Variants in THSD7B observed in about 807,000 individuals in gnomAD.
The protein encoded by THSD7B is thrombospondin type-1 domain-containing protein 7B.
A neutral mutation model predicts 213.6 loss-of-function variants in THSD7B; 138 were observed. The observed-to-expected ratio is 0.65, with a 90% CI of 0.56 to 0.74. The LOEUF (loss-of-function observed/expected upper bound fraction) is 0.74, where lower values mean the gene tolerates loss of function less well. Among genes scored for constraint, THSD7B ranks in the 30% least tolerant of loss-of-function variants. The pLI is 0.00. For synonymous variants in THSD7B, 742 were observed against 687.0 expected, an observed-to-expected ratio of 1.08 and a Z score of -1.25; for missense variants, 1,931 against 1,991.5, an observed-to-expected ratio of 0.97 and a Z score of 0.58.
chr2:137,039,461 G>A (rs1686838853), intron 2 of THSD7B, among the ~76,000 whole-genome samples: 1 of 152,310 alleles, frequency 6.6e-6, no homozygotes, highest in South Asian at 2.1e-4. Flanking sequence ...TGAGGCCAAG[G>A]TTGTTGCTAA....
intron 1 of THSD7B, among the ~76,000 whole-genome samples, chr2:136,838,408 C>A (rs900203444): frequency 6.6e-6 from 1 of 152,132 alleles, no homozygotes; most frequent in Non-Finnish European, 1.5e-5. Context: ...AATATTTAAA[C>A]CACTCCAAAT....
chr2:137,187,553 C>T (rs550799671), intron 7 of THSD7B, among the ~76,000 whole-genome samples: 1 of 152,122 alleles, frequency 6.6e-6, no homozygotes, highest in Non-Finnish European at 1.5e-5. Flanking sequence ...ACAGTTGAGA[C>T]AGGTATCTTC....
intron 2 of THSD7B, among the ~76,000 whole-genome samples, chr2:136,919,064 T>C (rs115423359): frequency 5.3e-4 from 81 of 152,316 alleles, no homozygotes; most frequent in Non-Finnish European, 9.0e-4. Context: ...GTTCCTTAAA[T>C]TGGTGTTTCC....
intron 7 of THSD7B, among the ~76,000 whole-genome samples, chr2:137,201,921 G>C (rs1237842146): frequency 6.6e-6 from 1 of 152,040 alleles, no homozygotes; most frequent in African/African-American, 2.4e-5. Context: ...TTCTCCTCTG[G>C]GATGCTCCTG....
At chr2:136,797,674 T>G (rs1682095155) in intron 1 of THSD7B, among the ~76,000 whole-genome samples, 1 of 151,958 alleles carries the variant, frequency 6.6e-6, no homozygotes, top group Non-Finnish European at 1.5e-5. Context: ...TCTGAACCAC[T>G]GGGGGACAAG....
chr2:137,006,116 G>A (rs183082929), intron 2 of THSD7B, among the ~76,000 whole-genome samples: 44 of 152,260 alleles, frequency 2.9e-4, no homozygotes, highest in Middle Eastern at 3.4e-3. Context: ...GTATAGGGCC[G>A]GGAGCGGTGG....
Position 137,094,969 on chromosome 2 carries a change from C to G in THSD7B, c.1047C>G (p.Ser349=). ...AGTGGTCCTCCTGGAGCCCCTGCTC[C>G]AAGACATGCCGTTCAGGGAGTCTCT... ...TSQWSSWSPC[S]KTCRSGSLLP... is the part of the protein sequence containing the mutation. The change falls in exon 4 of 28, where the codon TCC becomes TCG. Residue 349 remains serine (S), a synonymous_variant. Coordinates refer to ENST00000409968, the MANE Select transcript of THSD7B (RefSeq NM_001316349.2). 1 of 1,613,826 alleles carries G rather than the reference C, an allele frequency of 6.2e-7. No homozygotes were observed.
At chr2:137,397,243 C>G (rs1291812363) in intron 12 of THSD7B, among the ~76,000 whole-genome samples, 1 of 152,032 alleles carries the variant, frequency 6.6e-6, no homozygotes. Context: ...TTAGTTGATG[C>G]AGTTTCTTCC....
chr2:137,324,046 G>A (rs1477476667), intron 12 of THSD7B, among the ~76,000 whole-genome samples: 1 of 152,080 alleles, frequency 6.6e-6, no homozygotes, highest in Non-Finnish European at 1.5e-5. Context: ...CTGGAGACTT[G>A]GATTATCTTT....
At chr2:137,553,461 C>T (rs1228440791) in intron 15 of THSD7B, among the ~76,000 whole-genome samples, 1 of 151,966 alleles carries the variant, frequency 6.6e-6, no homozygotes, top group South Asian at 2.1e-4. Flanking sequence ...TGATCAATTA[C>T]AATGAATGGA....
At chr2:136,913,072 G>A (rs1684293955) in intron 2 of THSD7B, among the ~76,000 whole-genome samples, 1 of 152,200 alleles carries the variant, frequency 6.6e-6, no homozygotes, top group African/African-American at 2.4e-5. Flanking sequence ...GCCAAATGCT[G>A]ATAGTGATAT....
At chr2:137,081,007 A>G (rs925190802) in intron 3 of THSD7B, among the ~76,000 whole-genome samples, 3 of 152,158 alleles carry the variant, frequency 2.0e-5, no homozygotes, top group Admixed American at 1.3e-4. Flanking sequence ...TCTATTTACT[A>G]TTCTTGAAAA....
intron 7 of THSD7B, among the ~76,000 whole-genome samples, chr2:137,186,441 A>T (rs13402814): frequency 0.14 from 21,661 of 152,104 alleles, 2,515 homozygotes; most frequent in African/African-American, 0.32. Flanking sequence ...TTCTTCCGCA[A>T]ATGGCTAGAC....
chr2:137,277,924 C>T (rs1163547372), intron 12 of THSD7B, among the ~76,000 whole-genome samples: 4 of 152,070 alleles, frequency 2.6e-5, no homozygotes, highest in Non-Finnish European at 4.4e-5. Context: ...TCACCTTTCA[C>T]TCTACAGAGT....
chr2:137,223,544 G>C (rs1013581632), intron 7 of THSD7B, among the ~76,000 whole-genome samples: 1 of 152,066 alleles, frequency 6.6e-6, no homozygotes, highest in Non-Finnish European at 1.5e-5. Flanking sequence ...CACCCACCCT[G>C]ACTACCAAGC....
chr2:137,113,213 A>G lies in THSD7B; in HGVS notation c.1200-1911A>G, dbSNP rs531018273. Among the ~76,000 whole-genome samples the G allele has an allele frequency of 2.6e-5, 4 of 152,234 alleles. No individual in the cohort carries two copies. The South Asian group carries it at 8.3e-4, about 32-fold the overall frequency. On this transcript the variant is annotated intron_variant, in intron 4 of 27. Coordinates refer to ENST00000409968, the MANE Select transcript of THSD7B (RefSeq NM_001316349.2). ...CATACCCCATTTCATTTTGCCCTGG[A>G]TGAAAGATCTATCTGTGCCCTGAAA...
intron 15 of THSD7B, among the ~76,000 whole-genome samples, chr2:137,459,720 C>G (rs1205315273): frequency 6.6e-6 from 1 of 151,750 alleles, no homozygotes; most frequent in Non-Finnish European, 1.5e-5. Context: ...AGGAACCTAT[C>G]TAGGTCTTTT....
intron 1 of THSD7B, among the ~76,000 whole-genome samples, chr2:136,848,217 C>T (rs750117715): frequency 6.6e-6 from 1 of 152,160 alleles, no homozygotes; most frequent in Non-Finnish European, 1.5e-5. Flanking sequence ...CTGTGCTAGT[C>T]TCCTCAAGAT....
chr2:137,398,635 C>T (rs1298899306), intron 12 of THSD7B, among the ~76,000 whole-genome samples: 1 of 151,956 alleles, frequency 6.6e-6, no homozygotes, highest in Admixed American at 6.6e-5. Flanking sequence ...GTGCCCTGCC[C>T]CCAGAGGTGG....
Sources: gnomAD v4.1 joint callset for allele counts (sites outside exome capture counted in the v4.1 genomes callset) on GRCh38, gnomAD v4.1.1 for gene constraint, MANE v1.5 for transcripts, NCBI Gene and HGNC (gene_info 2026-07-23, HGNC 2026-07-21) for gene names.